The following SNX30 variants were observed in gnomAD, a reference collection of about 807,000 sequenced individuals.
The protein encoded by SNX30 is sorting nexin family member 30.
Under a neutral mutation model 46.4 loss-of-function variants are expected in SNX30, and 24 were observed. That is an observed-to-expected ratio of 0.52 (90% CI 0.37 to 0.73). SNX30 has a LOEUF of 0.73. SNX30 is among the 30% of genes least tolerant of loss of function. The probability of loss-of-function intolerance (pLI) is 0.00; values close to 1 mark genes in which losing one functional copy is unlikely to be tolerated. For missense variants in SNX30, 533 were observed against 555.7 expected, an observed-to-expected ratio of 0.96 and a Z score of 0.41; for synonymous variants, 189 against 211.5, an observed-to-expected ratio of 0.89 and a Z score of 0.92.
chr9:112,829,638 A>G (rs1840631076), intron 3 of SNX30, among the ~76,000 whole-genome samples: 1 of 152,188 alleles, frequency 6.6e-6, no homozygotes, highest in Non-Finnish European at 1.5e-5. Flanking sequence ...GTTTTATGGT[A>G]ATTCTAAATT....
intron 7 of SNX30, among the ~76,000 whole-genome samples, chr9:112,858,840 C>T (rs1182727232): frequency 6.6e-6 from 1 of 152,132 alleles, no homozygotes; most frequent in Non-Finnish European, 1.5e-5. Context: ...CTTTATTAAC[C>T]CTACACATGC....
chr9:112,813,286 G>GA (rs1840346733), intron 2 of SNX30, among the ~76,000 whole-genome samples: 1 of 151,484 alleles, frequency 6.6e-6, no homozygotes, highest in African/African-American at 2.4e-5. Context: ...AACATAGTGA[G>GA]ACGCCTATCT....
At chr9:112,834,882 A>ACACGCACC (rs56385707) in intron 4 of SNX30, among the ~76,000 whole-genome samples, 13 of 105,252 alleles carry the variant, frequency 1.2e-4, no homozygotes, top group African/African-American at 3.9e-4. Context: ...ACACACACAC[A>ACACGCACC]CCTACCTCAA....
At chr9:112,791,708 C>T (rs181449963) in intron 1 of SNX30, among the ~76,000 whole-genome samples, 3 of 152,066 alleles carry the variant, frequency 2.0e-5, no homozygotes, top group African/African-American at 4.8e-5. Context: ...TGCACCTGGC[C>T]GGGAACTTTC....
At chr9:112,825,307 T>A (rs1231255098) in intron 3 of SNX30, among the ~76,000 whole-genome samples, 1 of 152,182 alleles carries the variant, frequency 6.6e-6, no homozygotes, top group Non-Finnish European at 1.5e-5. Context: ...AATGACTTGT[T>A]TTTTTGAGAC....
intron 1 of SNX30, among the ~76,000 whole-genome samples, chr9:112,790,418 G>A (rs1452177613): frequency 6.6e-6 from 1 of 152,166 alleles, no homozygotes; most frequent in Non-Finnish European, 1.5e-5. Flanking sequence ...AGCTTCTCTG[G>A]CCCTCTCCTG....
At chr9:112,850,984 T>A (rs760073467) in intron 7 of SNX30, 39 bp downstream of exon 7, 7 of 1,508,098 alleles carry the variant, frequency 4.6e-6, no homozygotes, top group Non-Finnish European at 6.5e-6. Context: ...AAAGCTGTAG[T>A]CTCCCTGCTG....
chr9:112,852,166 C>A (rs1210277261), intron 7 of SNX30, among the ~76,000 whole-genome samples: 1 of 151,854 alleles, frequency 6.6e-6, no homozygotes, highest in Non-Finnish European at 1.5e-5. Context: ...TCCCTTGAGG[C>A]CAGGAGTTAG....
At chr9:112,827,314 T>C (rs1201310511) in intron 3 of SNX30, among the ~76,000 whole-genome samples, 1 of 152,232 alleles carries the variant, frequency 6.6e-6, no homozygotes, top group Non-Finnish European at 1.5e-5. Context: ...AAGTTGATGC[T>C]ATTAGTTTTT....
Position 112,817,692 on chromosome 9 carries a change from C to A in SNX30, c.349-13C>A. 2 of 1,502,152 alleles carry A rather than the reference C, an allele frequency of 1.3e-6. No individual in the cohort carries two copies. The highest frequency in any genetic ancestry group is 9.3e-7 in the Non-Finnish European group (1 of 1,078,938). 93.1% of individuals were successfully genotyped at this position (1,502,152 alleles called of 1,614,324 possible). ...TCCCTTATGCTTATTTTTTTCCATT[C>A]TCTTCTTTGCAGAGTACTCGGGTGG... On this transcript the variant is annotated splice_polypyrimidine_tract_variant and intron_variant, in intron 2 of 8. Transcript: ENST00000374232.
rs1429139456 is a variant in SNX30 at position 112,805,726 on chromosome 9, C to T, written c.348+759C>T. Among the ~76,000 whole-genome samples the T allele has an allele frequency of 4.6e-5, 7 of 152,210 alleles. No individual in the cohort carries two copies. In the South Asian group the frequency reaches 1.4e-3, roughly 32 times the overall value. On this transcript the variant is annotated intron_variant, in intron 2 of 8. Coordinates refer to ENST00000374232, the MANE Select transcript of SNX30 (RefSeq NM_001012994.2). ...TCAGATGATCCACCTGCCTCGGCCT[C>T]CCAAAGTGCTGGGATTACAGGCATG...
In SNX30 at chr9:112,846,771, A is replaced by T. The variant is rs138021306; in HGVS notation, c.1015-4088A>T. Among the ~76,000 whole-genome samples, 9 of 151,990 alleles carry T rather than the reference A, an allele frequency of 5.9e-5. No individual in the cohort carries two copies. In the South Asian group the frequency reaches 1.9e-3, roughly 32 times the overall value. On this transcript the variant is annotated intron_variant, in intron 6 of 8. Coordinates refer to ENST00000374232, the MANE Select transcript of SNX30 (RefSeq NM_001012994.2). The stretch of plus-strand genomic sequence containing the variant: ...GTATCCTCTTCCAGCCCTGCATCCT[A>T]GCTCCCCTCTTCCACAAAGCTTTGA...
chr9:112,831,393 A>C, intron 4 of SNX30, among the ~76,000 whole-genome samples: 1 of 152,192 alleles, frequency 6.6e-6, no homozygotes, highest in Non-Finnish European at 1.5e-5. Flanking sequence ...CCAAAAGCAG[A>C]GCTAAGTGTT....
intron 5 of SNX30, among the ~76,000 whole-genome samples, chr9:112,837,209 CA>C (rs1273022023): frequency 6.6e-6 from 1 of 152,002 alleles, no homozygotes; most frequent in Non-Finnish European, 1.5e-5. Context: ...AAAAAATCAA[CA>C]TTTTTTTTTT....
intron 6 of SNX30, 95 bp from the exon 7 acceptor site, chr9:112,850,764 T>A (rs976829546): frequency 6.9e-6 from 6 of 866,772 alleles, no homozygotes; most frequent in Middle Eastern, 3.4e-4. Flanking sequence ...AGGCCTTGAT[T>A]TGGGGAGGCG....
chr9:112,769,378 G>A (rs1839607892), intron 1 of SNX30, among the ~76,000 whole-genome samples: 1 of 152,128 alleles, frequency 6.6e-6, no homozygotes, highest in African/African-American at 2.4e-5. Flanking sequence ...CTCCATCACT[G>A]CAGTGCCATC....
chr9:112,820,505 A>G (rs1300075245), intron 3 of SNX30, among the ~76,000 whole-genome samples: 1 of 152,220 alleles, frequency 6.6e-6, no homozygotes, highest in Admixed American at 6.5e-5. Flanking sequence ...AAACATGCAG[A>G]AATGTTCATT....
At chr9:112,839,096 A>G (rs1359195917) in intron 6 of SNX30, among the ~76,000 whole-genome samples, 2 of 152,218 alleles carry the variant, frequency 1.3e-5, no homozygotes, top group African/African-American at 4.8e-5. Context: ...AAGTTGCTGG[A>G]AAATAGAACA....
chr9:112,768,856 C>T (rs145111710), intron 1 of SNX30, among the ~76,000 whole-genome samples: 2 of 151,872 alleles, frequency 1.3e-5, no homozygotes, highest in Non-Finnish European at 2.9e-5. Flanking sequence ...TGGGTTTCAC[C>T]ATGTTGGCCA....
Sources: allele counts gnomAD v4.1 joint callset (sites outside exome capture counted in the v4.1 genomes callset), GRCh38; gene constraint gnomAD v4.1.1; transcripts MANE v1.5; gene names NCBI Gene and HGNC (gene_info 2026-07-23, HGNC 2026-07-21).